The following ENTPD6 variants were observed in gnomAD, a reference collection of about 807,000 sequenced individuals.
ENTPD6 encodes ectonucleoside triphosphate diphosphohydrolase 6, also known as CD39 antigen-like 2.
Under a neutral mutation model 61.5 loss-of-function variants are expected in ENTPD6, and 46 were observed. The observed-to-expected ratio is 0.75, with a 90% CI of 0.59 to 0.96. The LOEUF (loss-of-function observed/expected upper bound fraction) is 0.96, where lower values mean the gene tolerates loss of function less well. ENTPD6 is among the 40% of genes least tolerant of loss of function. The pLI is 0.00. For synonymous variants in ENTPD6, 252 were observed against 255.5 expected (o/e 0.99, Z 0.13); for missense variants, 612 against 629.0 (o/e 0.97, Z 0.29).
At chr20:25,205,953 G>T (rs938186586) in intron 1 of ENTPD6, among the ~76,000 whole-genome samples, 1 of 152,240 alleles carries the variant, frequency 6.6e-6, no homozygotes, top group Admixed American at 6.5e-5. Context: ...TTGCTCCTTT[G>T]ACTGCTACTG....
chr20:25,218,484 G>C, intron 9 of ENTPD6, 66 bp from the exon 10 acceptor site: 1 of 1,488,612 alleles, frequency 6.7e-7, no homozygotes, highest in Non-Finnish European at 9.2e-7. Flanking sequence ...CTGGGTCTCA[G>C]AGGTGAGCCT....
At chr20:25,215,510 C>A (rs1568631985) in intron 6 of ENTPD6, among the ~76,000 whole-genome samples, 166 bp from the exon 7 acceptor site, 2 of 152,224 alleles carry the variant, frequency 1.3e-5, no homozygotes, top group African/African-American at 4.8e-5. Flanking sequence ...CTGCTGGATT[C>A]ATTTATGAGA....
At chr20:25,214,019 GC>G (rs2092153507) in intron 5 of ENTPD6, among the ~76,000 whole-genome samples, 1 of 152,196 alleles carries the variant, frequency 6.6e-6, no homozygotes, top group Non-Finnish European at 1.5e-5. Context: ...TGTGTGCTGA[GC>G]CCCGGTGCTG....
intron 1 of ENTPD6, among the ~76,000 whole-genome samples, chr20:25,206,052 G>A (rs112438304): frequency 8.5e-5 from 13 of 152,366 alleles, no homozygotes; most frequent in East Asian, 1.9e-4. Context: ...CATGTGGCAC[G>A]TGCTTTCCCT....
chr20:25,224,871 T>G, intron 13 of ENTPD6: 2 of 332,508 alleles, frequency 6.0e-6, no homozygotes, highest in Non-Finnish European at 1.1e-5. Context: ...TGGTGTTTTC[T>G]TTCCCCAGAA....
chr20:25,207,051 C>T, intron 2 of ENTPD6, 25 bp from the exon 3 acceptor site: 1 of 1,577,854 alleles, frequency 6.3e-7, no homozygotes, highest in Middle Eastern at 1.7e-4. Flanking sequence ...ACGTGCTTTT[C>T]CTGCCTCTCC....
chr20:25,202,007 TACTG>T (rs1240253145), intron 1 of ENTPD6, among the ~76,000 whole-genome samples: 1 of 152,232 alleles, frequency 6.6e-6, no homozygotes, highest in Non-Finnish European at 1.5e-5. Context: ...GAAGAAGCCT[TACTG>T]ATAACATAAA....
intron 1 of ENTPD6, 33 bp downstream of exon 1, chr20:25,195,900 G>T: frequency 1.6e-6 from 2 of 1,229,978 alleles, no homozygotes; most frequent in Non-Finnish European, 2.0e-6. Flanking sequence ...GGCGGGGGCG[G>T]CCGGGGATCA....
intron 1 of ENTPD6, chr20:25,197,350 C>T (rs901034731): frequency 9.9e-6 from 6 of 603,186 alleles, no homozygotes; most frequent in Non-Finnish European, 1.2e-5. Context: ...AGGGTGGCCT[C>T]AGCAGGAGCC....
chr20:25,225,156 C>T (rs902639860), intron 13 of ENTPD6, 49 bp from the exon 14 acceptor site: 1 of 1,577,268 alleles, frequency 6.3e-7, no homozygotes, highest in Non-Finnish European at 8.6e-7. Context: ...GCCCCTCCGC[C>T]CCCAGGTGGG....
Position 25,223,082 on chromosome 20 carries a change from C to A in ENTPD6, c.1186+104C>A, listed in dbSNP as rs557069213. The A allele has an allele frequency of 2.0e-4, 263 of 1,329,456 alleles. 1 individual carries two copies. The East Asian group carries it at 5.6e-3, about 28-fold the overall frequency. The allele number at this position is 1,329,456 out of a possible 1,614,324, so 82.4% of individuals were successfully genotyped here. A position where few individuals can be genotyped will look rare whatever the true frequency, so the allele number is the denominator to read the frequency against. ...AGAGGGCTGGTGGCAGGCAAGCAACCCTGTTGTCACATCCCTGCAGGAGGC... is the reference window on the plus strand; with the variant it reads ...AGAGGGCTGGTGGCAGGCAAGCAACACTGTTGTCACATCCCTGCAGGAGGC... On this transcript the variant is annotated intron_variant, in intron 12 of 14. Coordinates refer to ENST00000376652, the MANE Select transcript of ENTPD6 (RefSeq NM_001247.5).
At chr20:25,222,553 T>G (rs1600677119) in intron 11 of ENTPD6, 1 of 362,582 alleles carries the variant, frequency 2.8e-6, no homozygotes, top group Non-Finnish European at 5.1e-6. Context: ...AGGCCACTGG[T>G]GTCAGGCATC....
intron 12 of ENTPD6, 69 bp downstream of exon 12, chr20:25,223,047 T>G: frequency 1.3e-6 from 2 of 1,532,296 alleles, no homozygotes; most frequent in Non-Finnish European, 1.8e-6. Flanking sequence ...GGGCGTGTGC[T>G]CCCCGAGGCA....
In ENTPD6 at chr20:25,213,407, G is replaced by A. The variant is rs2092111216; in HGVS notation, c.597+1G>A. 1 of 1,603,188 alleles carries A rather than the reference G, an allele frequency of 6.2e-7. No homozygotes were observed. The highest frequency in any genetic ancestry group is 1.3e-5 in the African/African-American group (1 of 74,728). On this transcript the variant is annotated splice_donor_variant, in intron 5 of 14. Transcript: ENST00000376652. LOFTEE classifies it high-confidence loss of function. Reference sequence around the variant, plus strand: ...AAAGGCCCAGAAGTTACTGCAGAAGGTGAGCCTGGCCATTCCCCAGTGCCA... The same window carrying A: ...AAAGGCCCAGAAGTTACTGCAGAAGATGAGCCTGGCCATTCCCCAGTGCCA...
intron 8 of ENTPD6, among the ~76,000 whole-genome samples, chr20:25,217,096 G>A (rs2123118380): frequency 6.6e-6 from 1 of 152,322 alleles, no homozygotes; most frequent in Middle Eastern, 3.4e-3. Context: ...TTCATAGGTT[G>A]GGAGGAAGCT....
chr20:25,223,434 G>C (rs543518634), intron 12 of ENTPD6, among the ~76,000 whole-genome samples: 1 of 152,266 alleles, frequency 6.6e-6, no homozygotes, highest in Non-Finnish European at 1.5e-5. Flanking sequence ...AGAGTTTGCT[G>C]AGGCTAGTGG....
Position 25,195,764 on chromosome 20 carries a change from G to A in ENTPD6, c.-119G>A. ...GGGTCGTATCCCGCGGGTGGAGGCCGGGGTGGCGCCGGCCGGGGCGGGGGA... is the reference window on the plus strand; with the variant it reads ...GGGTCGTATCCCGCGGGTGGAGGCCAGGGTGGCGCCGGCCGGGGCGGGGGA... On this transcript the variant is annotated 5_prime_UTR_variant, in exon 1 of 15. Transcript: ENST00000376652. 1.0e-6 allele frequency: 1 copy of A among 1,002,668 alleles called. No homozygotes were observed. Among genetic ancestry groups the A allele is most frequent in the Non-Finnish European group, 1.3e-6 (1 of 771,576 alleles). The allele number at this position is 1,002,668 out of a possible 1,614,324, so 62.1% of individuals were successfully genotyped here. A position where few individuals can be genotyped will look rare whatever the true frequency, so the allele number is the denominator to read the frequency against.
chr20:25,207,604 G>A lies in ENTPD6; in HGVS notation c.376+207G>A, dbSNP rs938455135. Among the ~76,000 whole-genome samples the A allele has an allele frequency of 7.2e-5, 11 of 152,180 alleles. No homozygotes were observed. In the East Asian group the frequency reaches 2.1e-3, roughly 29 times the overall value. ...CTAGTGAGTGGTGACCATGCTGAAG[G>A]GCAGCTGAGACCTTGAGGTGTTTGG... On this transcript the variant is annotated intron_variant, in intron 3 of 14. Coordinates refer to ENST00000376652, the MANE Select transcript of ENTPD6 (RefSeq NM_001247.5).
intron 10 of ENTPD6, among the ~76,000 whole-genome samples, chr20:25,220,023 T>A (rs1163368783): frequency 1.3e-5 from 2 of 151,824 alleles, no homozygotes; most frequent in East Asian, 3.9e-4. Context: ...TCCCAGGGAG[T>A]CGTGGCTCAG....
Sources: gnomAD v4.1 joint callset for allele counts (sites outside exome capture counted in the v4.1 genomes callset) on GRCh38, gnomAD v4.1.1 for gene constraint, MANE v1.5 for transcripts, NCBI Gene and HGNC (gene_info 2026-07-23, HGNC 2026-07-21) for gene names.